ASCC3: variants seen among roughly 807,000 people sequenced by gnomAD.
ASCC3 encodes activating signal cointegrator 1 complex subunit 3, also known as ASC-1 complex subunit P200.
Under a neutral mutation model 256.3 loss-of-function variants are expected in ASCC3, and 158 were observed. The observed-to-expected ratio is 0.62, with a 90% CI of 0.54 to 0.70. The LOEUF is 0.70. Among genes scored for constraint, ASCC3 ranks in the 30% least tolerant of loss-of-function variants. The pLI, the probability that ASCC3 is intolerant of heterozygous loss-of-function variation, is 0.00. For missense variants in ASCC3, 2,259 were observed against 2,626.0 expected, an observed-to-expected ratio of 0.86 and a Z score of 3.05; for synonymous variants, 948 against 883.4, an observed-to-expected ratio of 1.07 and a Z score of -1.30.
At chr6:100,525,092 C>T (rs897523261) in intron 37 of ASCC3, among the ~76,000 whole-genome samples, 3 of 119,300 alleles carry the variant, frequency 2.5e-5, no homozygotes, top group East Asian at 2.8e-4. Context: ...GTGGAAGGAT[C>T]GTTTGAGCCC....
intron 19 of ASCC3, among the ~76,000 whole-genome samples, chr6:100,651,157 C>T (rs912590760): frequency 1.3e-5 from 2 of 151,686 alleles, no homozygotes; most frequent in Non-Finnish European, 3.0e-5. Context: ...CCATGAAGTA[C>T]TATGATTCAA....
At chr6:100,544,163 T>C (rs879702055) in intron 36 of ASCC3, among the ~76,000 whole-genome samples, 16 of 152,072 alleles carry the variant, frequency 1.1e-4, no homozygotes, top group Admixed American at 5.9e-4. Context: ...TGGGATATCA[T>C]TGGAACAGTA....
rs1001609456 is a variant in ASCC3, at chr6:100,563,311, T to C, written c.5551-22924A>G. On this transcript the variant is annotated intron_variant, in intron 36 of 41. Transcript: ENST00000369162. ...TAGAATTTTAAAAGGGGGAAGAATA[T>C]ACAATTTTAACATTATGCTTGGCTT... Among the ~76,000 whole-genome samples the C allele has an allele frequency of 3.3e-5, 5 of 152,192 alleles. No homozygotes were observed. In the South Asian group the frequency reaches 6.2e-4, roughly 19 times the overall value.
intron 10 of ASCC3, among the ~76,000 whole-genome samples, chr6:100,727,825 G>A (rs1419403432): frequency 6.6e-6 from 1 of 152,074 alleles, no homozygotes; most frequent in Non-Finnish European, 1.5e-5. Flanking sequence ...TAGTGGTTTG[G>A]AGGGGGAGGG....
intron 8 of ASCC3, among the ~76,000 whole-genome samples, chr6:100,792,066 T>A (rs1769374493): frequency 6.6e-6 from 1 of 151,970 alleles, no homozygotes; most frequent in Non-Finnish European, 1.5e-5. Context: ...TAATAGTATA[T>A]GTTTTTATGA....
At chr6:100,690,453 T>C (rs999037431) in intron 13 of ASCC3, among the ~76,000 whole-genome samples, 3 of 152,052 alleles carry the variant, frequency 2.0e-5, no homozygotes, top group African/African-American at 7.2e-5. Flanking sequence ...ACTACTACAT[T>C]TGGATTACAA....
At position 100,605,607 on chromosome 6, in the gene ASCC3, T is replaced by A. The variant is rs1480534565; in HGVS notation, c.5138A>T (p.Tyr1713Phe). 6.3e-7 allele frequency: 1 copy of A among 1,575,392 alleles called. No homozygotes were observed. The highest frequency in any genetic ancestry group is 1.7e-5 in the Admixed American group (1 of 59,838). ...GAAAGGTTCATAAAGAAATTTTTTA[T>A]AAAAGTCTTTCTTTATGTCATGAAC... ...ILVHDIKKDF[Y>F]KKFLYEPFPV... Residue 1713 changes from tyrosine (Y) to phenylalanine (F), a missense_variant, in exon 33 of 42, where the codon TAT (tyrosine) becomes TTT (phenylalanine). Transcript: ENST00000369162.
At chr6:100,680,380 A>C (rs1777240353) in intron 13 of ASCC3, among the ~76,000 whole-genome samples, 1 of 152,150 alleles carries the variant, frequency 6.6e-6, no homozygotes, top group Admixed American at 6.5e-5. Flanking sequence ...GACAGTCACC[A>C]GGCACGTGTG....
At chr6:100,633,060 G>A (rs1176904162) in intron 25 of ASCC3, among the ~76,000 whole-genome samples, 1 of 152,116 alleles carries the variant, frequency 6.6e-6, no homozygotes, top group African/African-American at 2.4e-5. Flanking sequence ...GAAAATATTT[G>A]CAAACCATAT....
chr6:100,543,420 C>T (rs1388356535), intron 36 of ASCC3, among the ~76,000 whole-genome samples: 1 of 151,818 alleles, frequency 6.6e-6, no homozygotes, highest in Non-Finnish European at 1.5e-5. Context: ...ACCAAACACG[C>T]ACTAATATAC....
intron 8 of ASCC3, among the ~76,000 whole-genome samples, chr6:100,767,720 T>C (rs960907656): frequency 6.6e-6 from 1 of 151,970 alleles, no homozygotes; most frequent in South Asian, 2.1e-4. Context: ...GCCATTCTCC[T>C]GCCTCAGCCT....
chr6:100,662,378 A>G lies in ASCC3; in HGVS notation c.2445T>C (p.Gly815=), dbSNP rs1335332549. 1 of 1,613,058 alleles carries G rather than the reference A, an allele frequency of 6.2e-7. No homozygotes were observed. Among genetic ancestry groups the G allele is most frequent in the South Asian group, 1.1e-5 (1 of 91,036 alleles). ...TAACAGCATGGGCGGGAAGATTGAC[A>G]CCCCAGGCTAACGTAGCTGTACACA... is the stretch of plus-strand genomic sequence containing the variant. ...VLVCTATLAW[G]VNLPAHAVII... The change falls in exon 15 of 42, where the codon GGT becomes GGC. Residue 815 remains glycine (G), a synonymous_variant. Transcript: ENST00000369162.
chr6:100,552,871 AAAT>A (rs1226917273), intron 36 of ASCC3, among the ~76,000 whole-genome samples: 1 of 152,028 alleles, frequency 6.6e-6, no homozygotes, highest in Admixed American at 6.6e-5. Context: ...AATGAATAGA[AAAT>A]ATTATAAGTT....
intron 36 of ASCC3, among the ~76,000 whole-genome samples, chr6:100,578,901 T>C (rs546319756): frequency 3.9e-5 from 6 of 151,956 alleles, no homozygotes; most frequent in South Asian, 2.1e-4. Flanking sequence ...TTTTGACAAA[T>C]TGTCACACTG....
chr6:100,680,978 G>T (rs1338989164), intron 13 of ASCC3, among the ~76,000 whole-genome samples: 1 of 152,122 alleles, frequency 6.6e-6, no homozygotes, highest in Non-Finnish European at 1.5e-5. Context: ...GAAATGAAAA[G>T]GGGAATGAGG....
intron 36 of ASCC3, among the ~76,000 whole-genome samples, chr6:100,554,421 C>T (rs1291730287): frequency 6.6e-6 from 1 of 152,142 alleles, no homozygotes; most frequent in African/African-American, 2.4e-5. Flanking sequence ...GCACACATCG[C>T]TGCCTACACT....
chr6:100,864,461 T>C (rs1582983637), intron 2 of ASCC3, among the ~76,000 whole-genome samples: 1 of 152,326 alleles, frequency 6.6e-6, no homozygotes, highest in Admixed American at 6.5e-5. Context: ...TTACACTGCA[T>C]ACTCATAAAA....
chr6:100,728,252 A>C (rs1425090636), intron 10 of ASCC3, among the ~76,000 whole-genome samples: 2 of 151,988 alleles, frequency 1.3e-5, no homozygotes, highest in Non-Finnish European at 2.9e-5. Flanking sequence ...GGGAATGATA[A>C]AGAGAGAGTG....
chr6:100,734,167 T>C (rs1326308904), intron 10 of ASCC3, among the ~76,000 whole-genome samples: 1 of 152,160 alleles, frequency 6.6e-6, no homozygotes, highest in African/African-American at 2.4e-5. Flanking sequence ...AGCCTCTGGG[T>C]AGCAGGAGAA....
Sources: gnomAD v4.1 joint callset for allele counts (sites outside exome capture counted in the v4.1 genomes callset) on GRCh38, gnomAD v4.1.1 for gene constraint, MANE v1.5 for transcripts, NCBI Gene and HGNC (gene_info 2026-07-23, HGNC 2026-07-21) for gene names.